OTULIN: variants seen among roughly 807,000 people sequenced by gnomAD.
OTULIN encodes ubiquitin thioesterase otulin.
In OTULIN, 15 loss-of-function variants were observed where a neutral mutation model predicts 39.6. The observed-to-expected ratio is 0.38, with a 90% CI of 0.25 to 0.58. The LOEUF is 0.58. OTULIN is among the 20% of genes least tolerant of loss of function. The pLI, the probability that OTULIN is intolerant of heterozygous loss-of-function variation, is 0.66. For synonymous variants in OTULIN, 156 were observed against 170.3 expected, an observed-to-expected ratio of 0.92 and a Z score of 0.65; for missense variants, 319 against 445.9, an observed-to-expected ratio of 0.72 and a Z score of 2.56.
rs183608662 is a variant in OTULIN, at chr5:14,692,874, C to T, written c.885C>T (p.Ala295=). Residue 295 remains alanine (A), a synonymous_variant, in exon 7 of 7, where the codon GCC becomes GCT. Transcript: ENST00000284274. ...GLEQVEMFLL[A]YAVRHTIQVY... The stretch of plus-strand genomic sequence containing the variant: ...CCCAGGTTGAAATGTTCCTTCTTGC[C>T]TATGCTGTGCGCCACACCATCCAGG... 1.5e-4 allele frequency: 247 copies of T among 1,614,096 alleles called. 9 individuals carry two copies. The Admixed American group carries it at 3.9e-3, about 25-fold the overall frequency.
At chr5:14,675,636 C>G (rs866621227) in intron 2 of OTULIN, among the ~76,000 whole-genome samples, 3 of 152,200 alleles carry the variant, frequency 2.0e-5, no homozygotes, top group Admixed American at 2.0e-4. Flanking sequence ...TGATTCTCTT[C>G]TGTCTGGCAT....
intron 4 of OTULIN, 85 bp from the exon 5 acceptor site, chr5:14,687,436 T>G: frequency 6.8e-7 from 1 of 1,478,096 alleles, no homozygotes; most frequent in South Asian, 1.3e-5. Flanking sequence ...TTTTATAGAC[T>G]TTGTGGTTTC....
At chr5:14,713,718 A>G in the OTULIN span, 1 of 1,611,464 alleles carries the variant, frequency 6.2e-7, no homozygotes, top group East Asian at 2.2e-5. This position sits in a 1 kb window ranked among gnomAD's most constrained non-coding sequence, Gnocchi z 4.4. Context: ...TCCACTCCCC[A>G]TCCTGCTGCC....
chr5:14,715,811 G>T, the OTULIN span, among the ~76,000 whole-genome samples: 1 of 152,174 alleles, frequency 6.6e-6, no homozygotes, highest in African/African-American at 2.4e-5. Context: ...CCTCATTCTT[G>T]TGTATAGTAC....
In OTULIN at chr5:14,695,873, G is replaced by C. The variant is rs970509183; in HGVS notation, c.*2825G>C. ...TGGATGAAAATGTTTTCAATGCACA[G>C]AACAGGATGAATCCTTTTTTCTTTA... On this transcript the variant is annotated 3_prime_UTR_variant, in exon 7 of 7. Transcript: ENST00000284274. 4.6e-5 allele frequency: 7 copies of C among 152,194 alleles called. No homozygotes were observed. In the South Asian group the frequency reaches 1.4e-3, roughly 31 times the overall value. 9.4% of individuals were successfully genotyped at this position (152,194 alleles called of 1,614,324 possible).
Position 14,664,849 on chromosome 5 carries a change from G to A in OTULIN, c.24G>A (p.Gln8=). 8.2e-7 allele frequency: 1 copy of A among 1,214,324 alleles called. No individual in the cohort carries two copies. The highest frequency in any genetic ancestry group is 3.4e-5 in the East Asian group (1 of 29,484). The allele number at this position is 1,214,324 out of a possible 1,614,324, so 75.2% of individuals were successfully genotyped here. The part of the protein sequence containing the change: MSRGTMP[Q]PEAWPGASCA... The stretch of plus-strand genomic sequence containing the variant: ...GCATGAGTCGGGGGACTATGCCCCA[G>A]CCCGAAGCGTGGCCAGGCGCGAGCT... Residue 8 remains glutamine, a synonymous_variant, in exon 1 of 7, where the codon CAG becomes CAA. Coordinates refer to ENST00000284274, the MANE Select transcript of OTULIN (RefSeq NM_138348.6).
chr5:14,688,389 C>T (rs1736440314), intron 5 of OTULIN, among the ~76,000 whole-genome samples: 1 of 152,138 alleles, frequency 6.6e-6, no homozygotes, highest in Admixed American at 6.5e-5. Flanking sequence ...CAAGGTCCTT[C>T]CTAGCACGTA....
chr5:14,714,238 CGTT>C, the OTULIN span, among the ~76,000 whole-genome samples: 8 of 152,218 alleles, frequency 5.3e-5, no homozygotes, highest in African/African-American at 1.7e-4. Flanking sequence ...TGTGGGCCCT[CGTT>C]GGTGTGCTGC....
In OTULIN at chr5:14,687,635, C is replaced by G. The variant is rs1442152197; in HGVS notation, c.583C>G (p.Leu195Val). Residue 195 changes from leucine to valine, a missense_variant, in exon 5 of 7, where the codon CTG (leucine) becomes GTG (valine). This residue lies in a region of OTULIN where 54 missense variants were observed against 50.7 expected (regional missense o/e 1.07). Transcript: ENST00000284274. ...VDKIKESLTL[L>V]RKKWAGLAEM... ...TAAAATTAAAGAGTCCCTTACTCTG[C>G]TGAGGAAGAAGGTTTGGAACCTGTA... 6.2e-7 allele frequency: 1 copy of G among 1,611,850 alleles called. No homozygotes were observed. The highest frequency in any genetic ancestry group is 8.5e-7 in the Non-Finnish European group (1 of 1,179,446).
At chr5:14,703,968 A>G (rs1237813761), downstream of OTULIN, among the ~76,000 whole-genome samples, 3 of 152,196 alleles carry the variant, frequency 2.0e-5, no homozygotes, top group African/African-American at 7.2e-5. Context: ...CACTTTCTAC[A>G]ATGTCTTATG....
In OTULIN at chr5:14,693,164, C is replaced by A. The variant is rs187976186; in HGVS notation, c.*116C>A. 1.0e-6 allele frequency: 1 copy of A among 981,608 alleles called. No individual in the cohort carries two copies. 60.8% of individuals were successfully genotyped at this position (981,608 alleles called of 1,614,324 possible). On this transcript the variant is annotated 3_prime_UTR_variant, in exon 7 of 7. Coordinates refer to ENST00000284274, the MANE Select transcript of OTULIN (RefSeq NM_138348.6). Reference sequence around the variant, plus strand: ...AATCTCTGAGAAGAACCCTTGGGCCCCTGGGAGCCAAGTTGGACAGGATGT... The same window carrying A: ...AATCTCTGAGAAGAACCCTTGGGCCACTGGGAGCCAAGTTGGACAGGATGT...
the OTULIN span, chr5:14,710,833 G>C: frequency 3.0e-6 from 1 of 338,920 alleles, no homozygotes; most frequent in East Asian, 7.7e-5. Context: ...GCTGTGCAGG[G>C]TGACCGAGGC....
the OTULIN span, chr5:14,712,987 C>G: frequency 6.2e-7 from 1 of 1,608,964 alleles, no homozygotes; most frequent in Non-Finnish European, 8.5e-7. Context: ...CAGATGAGAA[C>G]ACAAAGGCAA....
intron 1 of OTULIN, among the ~76,000 whole-genome samples, chr5:14,670,070 C>A (rs954392820): frequency 2.0e-4 from 31 of 152,210 alleles, no homozygotes; most frequent in African/African-American, 7.5e-4. Flanking sequence ...CAAATTTTAA[C>A]TGTGGAATTG....
chr5:14,686,335 C>G (rs894893864), intron 4 of OTULIN, among the ~76,000 whole-genome samples: 6 of 152,058 alleles, frequency 3.9e-5, no homozygotes, highest in Non-Finnish European at 7.4e-5. Context: ...AGGTCTTGCT[C>G]TGTTGCTCAG....
chr5:14,685,393 T>G (rs1026420284), intron 4 of OTULIN, among the ~76,000 whole-genome samples: 3 of 152,262 alleles, frequency 2.0e-5, no homozygotes, highest in Non-Finnish European at 4.4e-5. Flanking sequence ...GGTTTCTTGC[T>G]TAAATTTTCT....
chr5:14,693,059 C>T lies in OTULIN; in HGVS notation c.*11C>T. ...GAGACCAGTCTATGAGAGACGCATG[C>T]TCCTGACAGCCTGGCGACGTGGCGA... On this transcript the variant is annotated 3_prime_UTR_variant, in exon 7 of 7. Coordinates refer to ENST00000284274, the MANE Select transcript of OTULIN (RefSeq NM_138348.6). The T allele has an allele frequency of 6.3e-7, 1 of 1,594,482 alleles. No individual in the cohort carries two copies. The highest frequency in any genetic ancestry group is 2.3e-5 in the East Asian group (1 of 44,100).
chr5:14,700,260 A>G (rs1736769755), downstream of OTULIN, among the ~76,000 whole-genome samples: 1 of 152,210 alleles, frequency 6.6e-6, no homozygotes, highest in African/African-American at 2.4e-5. Flanking sequence ...ATTCCATGTC[A>G]GGCCCTTTGG....
In OTULIN at chr5:14,696,310, A is replaced by G. The variant is rs2126351161; in HGVS notation, c.*3262A>G. The G allele has an allele frequency of 6.6e-6, 1 of 152,350 alleles. No homozygotes were observed. Among genetic ancestry groups the G allele is most frequent in the Admixed American group, 6.5e-5 (1 of 15,304 alleles). The allele number at this position is 152,350 out of a possible 1,614,324, so 9.4% of individuals were successfully genotyped here. On this transcript the variant is annotated 3_prime_UTR_variant, in exon 7 of 7. Coordinates refer to ENST00000284274, the MANE Select transcript of OTULIN (RefSeq NM_138348.6). ...GTGTCTTCTTCAGATACTAAAGTAC[A>G]GTTGGATCATTTTCTTATCTCCTTT...
Sources: allele counts gnomAD v4.1 joint callset (sites outside exome capture counted in the v4.1 genomes callset), GRCh38; gene constraint gnomAD v4.1.1; regional missense constraint gnomAD v4.1.1; non-coding constraint Gnocchi (gnomAD v3.1); transcripts MANE v1.5; gene names NCBI Gene and HGNC (gene_info 2026-07-23, HGNC 2026-07-21).